Variants in TMPRSS15 observed in about 807,000 individuals in gnomAD.
TMPRSS15 encodes the protein enteropeptidase.
A neutral mutation model predicts 125.3 loss-of-function variants in TMPRSS15; 128 were observed. The observed-to-expected ratio is 1.02, with a 90% CI of 0.89 to 1.18. The LOEUF (loss-of-function observed/expected upper bound fraction) is 1.18, where lower values mean the gene tolerates loss of function less well. TMPRSS15 is among the 50% of genes most tolerant of loss of function. TMPRSS15 has a pLI of 0.00. For missense variants in TMPRSS15, 1,283 were observed against 1,212.7 expected, an observed-to-expected ratio of 1.06 and a Z score of -0.86; for synonymous variants, 446 against 423.2, an observed-to-expected ratio of 1.05 and a Z score of -0.66.
chr21:18,436,602 C>T (rs1310232120), intron 1 of TMPRSS15, among the ~76,000 whole-genome samples: 1 of 151,342 alleles, frequency 6.6e-6, no homozygotes, highest in African/African-American at 2.4e-5. Flanking sequence ...TCTCAGGATA[C>T]AAAATCAATG....
intron 1 of TMPRSS15, among the ~76,000 whole-genome samples, chr21:18,413,584 C>CT (rs141469767): frequency 0.013 from 1,709 of 135,950 alleles, 29 homozygotes; most frequent in African/African-American, 0.04. Context: ...ACCTGGCTAA[C>CT]TTTTTTTTTT....
At chr21:18,474,701 T>G (rs1489025705) in intron 1 of TMPRSS15, among the ~76,000 whole-genome samples, 1 of 152,212 alleles carries the variant, frequency 6.6e-6, no homozygotes, top group Admixed American at 6.5e-5. Flanking sequence ...AGCCAAAAGC[T>G]GAGAAGATCA....
intron 1 of TMPRSS15, among the ~76,000 whole-genome samples, chr21:18,453,142 C>T (rs564980747): frequency 6.6e-6 from 1 of 152,188 alleles, no homozygotes; most frequent in Non-Finnish European, 1.5e-5. Context: ...ACATGTCAAT[C>T]CCTTTAAAAG....
In TMPRSS15 at chr21:18,342,359, A is replaced by G. The variant is rs578052296; in HGVS notation, c.1429-811T>C. 5.9e-5 allele frequency among the ~76,000 whole-genome samples: 9 copies of G among 152,364 alleles called. No individual in the cohort carries two copies. In the South Asian group the frequency reaches 1.4e-3, roughly 25 times the overall value. The stretch of plus-strand genomic sequence containing the variant: ...TTATTCATTCCACCTACTTCATGCC[A>G]GACATTATTCCAGTAGGTATTATTT... On this transcript the variant is annotated intron_variant, in intron 12 of 24. Transcript: ENST00000284885.
intron 6 of TMPRSS15, among the ~76,000 whole-genome samples, chr21:18,369,807 T>G (rs2147041978): frequency 6.6e-6 from 1 of 152,218 alleles, no homozygotes; most frequent in Middle Eastern, 3.4e-3. Context: ...GTCATTAGGC[T>G]TGTGGGCTCA....
chr21:18,461,103 G>A (rs2122952245), intron 1 of TMPRSS15, among the ~76,000 whole-genome samples: 5 of 151,888 alleles, frequency 3.3e-5, no homozygotes, highest in Non-Finnish European at 5.9e-5. Context: ...TCAGCAAATC[G>A]ACCATCAGGT....
intron 1 of TMPRSS15, among the ~76,000 whole-genome samples, chr21:18,460,271 A>G (rs1461449927): frequency 6.6e-6 from 1 of 152,130 alleles, no homozygotes; most frequent in Non-Finnish European, 1.5e-5. Context: ...TAGTCTTAGC[A>G]GTAGGTTTTT....
chr21:18,281,167 T>G lies in TMPRSS15; in HGVS notation c.2541A>C (p.Ser847=). 6.2e-7 allele frequency: 1 copy of G among 1,614,134 alleles called. No homozygotes were observed. The highest frequency in any genetic ancestry group is 2.2e-5 in the East Asian group (1 of 44,860). Residue 847 remains serine, a synonymous_variant, in exon 22 of 25, where the codon TCA becomes TCC. Transcript: ENST00000284885. ...GGACTGTTTGAGGAGAGGTCAGATTTGATTTCATATGCAGGCCTAGGATTG... is the reference window on the plus strand; with the variant it reads ...GGACTGTTTGAGGAGAGGTCAGATTGGATTTCATATGCAGGCCTAGGATTG... ...WTAILGLHMK[S]NLTSPQTVPR...
At chr21:18,288,528 C>CTTTTTTTT in intron 21 of TMPRSS15, among the ~76,000 whole-genome samples, 1 of 96,966 alleles carries the variant, frequency 1.0e-5, no homozygotes, top group Non-Finnish European at 1.9e-5. Context: ...AATGCTCTTC[C>CTTTTTTTT]TTTTTTTTTT....
At chr21:18,444,476 C>T (rs2076250511) in intron 1 of TMPRSS15, among the ~76,000 whole-genome samples, 2 of 151,856 alleles carry the variant, frequency 1.3e-5, no homozygotes, top group African/African-American at 4.8e-5. Flanking sequence ...CACACTGGGG[C>T]CTGTTGGGGG....
At chr21:18,270,385 T>C (rs1278126925) in intron 24 of TMPRSS15, among the ~76,000 whole-genome samples, 1 of 152,146 alleles carries the variant, frequency 6.6e-6, no homozygotes. Flanking sequence ...CCACTTTAAT[T>C]AGGCATTTTG....
intron 1 of TMPRSS15, among the ~76,000 whole-genome samples, chr21:18,421,331 G>C (rs2076191614): frequency 6.6e-6 from 1 of 152,104 alleles, no homozygotes; most frequent in African/African-American, 2.4e-5. Flanking sequence ...TATTGGTTCT[G>C]GGTCTAATTT....
intron 1 of TMPRSS15, among the ~76,000 whole-genome samples, chr21:18,399,697 A>T (rs951480068): frequency 6.6e-6 from 1 of 152,172 alleles, no homozygotes; most frequent in African/African-American, 2.4e-5. Context: ...TGTACTGTGG[A>T]TAAACGAAAT....
At chr21:18,427,306 T>A (rs2076204860) in intron 1 of TMPRSS15, among the ~76,000 whole-genome samples, 1 of 152,206 alleles carries the variant, frequency 6.6e-6, no homozygotes, top group South Asian at 2.1e-4. Flanking sequence ...TACAGCTTTT[T>A]TAGAATTATA....
intron 18 of TMPRSS15, among the ~76,000 whole-genome samples, chr21:18,308,598 CT>C (rs33940921): frequency 0.38 from 56,329 of 148,552 alleles, 11,506 homozygotes; most frequent in East Asian, 0.58. Flanking sequence ...TACACTGAGA[CT>C]TTTTTTTTTT....
At chr21:18,471,604 G>A (rs1978782274) in intron 1 of TMPRSS15, among the ~76,000 whole-genome samples, 1 of 151,978 alleles carries the variant, frequency 6.6e-6, no homozygotes, top group Non-Finnish European at 1.5e-5. Context: ...GGATAGACAC[G>A]GTGTCTTACA....
chr21:18,469,578 A>G (rs1282741822), intron 1 of TMPRSS15, among the ~76,000 whole-genome samples: 1 of 152,124 alleles, frequency 6.6e-6, no homozygotes, highest in African/African-American at 2.4e-5. Flanking sequence ...AGCTATTATT[A>G]TAATATTCAT....
intron 10 of TMPRSS15, among the ~76,000 whole-genome samples, chr21:18,345,017 A>C (rs558692436): frequency 6.6e-6 from 1 of 152,324 alleles, no homozygotes; most frequent in East Asian, 1.9e-4. Flanking sequence ...ATGAGATGCA[A>C]AGTAAGAACA....
At chr21:18,315,441 A>AC (rs60239843) in intron 16 of TMPRSS15, among the ~76,000 whole-genome samples, 185 bp from the exon 17 acceptor site, 1 of 112,670 alleles carries the variant, frequency 8.9e-6, no homozygotes, top group Admixed American at 9.2e-5. Context: ...ATGTATACAC[A>AC]ATAACAAACC....
Sources: allele counts gnomAD v4.1 joint callset (sites outside exome capture counted in the v4.1 genomes callset), GRCh38; gene constraint gnomAD v4.1.1; transcripts MANE v1.5; gene names NCBI Gene and HGNC (gene_info 2026-07-23, HGNC 2026-07-21).